The following VPS37A variants were observed in gnomAD, a reference collection of about 807,000 sequenced individuals.
VPS37A encodes the protein vacuolar protein sorting-associated protein 37A.
VPS37A carries 30 observed loss-of-function variants against 49.8 expected under a neutral mutation model. The ratio of observed to expected loss-of-function variants is 0.60; its 90% CI spans 0.45 to 0.82. VPS37A has a LOEUF of 0.82. Ranked by LOEUF, VPS37A falls within the 40% of genes least tolerant of loss-of-function variation. VPS37A has a pLI of 0.00. For missense variants in VPS37A, 593 were observed against 464.4 expected (o/e 1.28, Z -2.55); for synonymous variants, 195 against 160.6 (o/e 1.21, Z -1.62).
chr8:17,291,724 T>A (rs964189246), intron 11 of VPS37A, among the ~76,000 whole-genome samples: 1 of 152,206 alleles, frequency 6.6e-6, no homozygotes, highest in Non-Finnish European at 1.5e-5. Flanking sequence ...TGTCTTCATT[T>A]CATTATTTAC....
chr8:17,247,269 A>G lies in VPS37A; in HGVS notation c.25A>G (p.Lys9Glu), dbSNP rs1357045973. Residue 9 changes from lysine to glutamate, a missense_variant, in exon 1 of 12, where the codon AAG becomes GAG. Physicochemically the swap from Lys to Glu is moderately conservative, Grantham distance 56 (BLOSUM62 1). Transcript: ENST00000324849. ...GATGAGCTGGCTTTTTCCCCTGACCAAGAGCGCCTCCTCCTCCGCGGCTGG... is the reference window on the plus strand; with the variant it reads ...GATGAGCTGGCTTTTTCCCCTGACCGAGAGCGCCTCCTCCTCCGCGGCTGG... MSWLFPLT[K>E]SASSSAAGSP... 3.8e-6 allele frequency: 6 copies of G among 1,570,216 alleles called. No homozygotes were observed. The highest frequency in any genetic ancestry group is 4.3e-6 in the Non-Finnish European group (5 of 1,157,718).
At chr8:17,301,560 G>A (rs1193795679), downstream of VPS37A, 1 of 152,200 alleles carries the variant, frequency 6.6e-6, no homozygotes, top group African/African-American at 2.4e-5. Context: ...TTGTAATAAG[G>A]AAGAGCCAGT....
At chr8:17,282,946 A>G (rs1455436942) in intron 9 of VPS37A, among the ~76,000 whole-genome samples, 1 of 152,200 alleles carries the variant, frequency 6.6e-6, no homozygotes, top group Non-Finnish European at 1.5e-5. Flanking sequence ...GTTGGCACAT[A>G]ATAGGTACTC....
At chr8:17,316,479 A>T in the VPS37A span, among the ~76,000 whole-genome samples, 2 of 140,652 alleles carry the variant, frequency 1.4e-5, no homozygotes, top group Non-Finnish European at 3.1e-5. Context: ...AAAAAAAAAA[A>T]CCTTTCTACA....
chr8:17,323,075 G>A, the VPS37A span, among the ~76,000 whole-genome samples: 1 of 150,634 alleles, frequency 6.6e-6, no homozygotes, highest in African/African-American at 2.4e-5. Flanking sequence ...AGCCTCCTGA[G>A]TAGCTGGGAC....
chr8:17,269,088 T>C, intron 4 of VPS37A, 132 bp downstream of exon 4: 1 of 626,182 alleles, frequency 1.6e-6, no homozygotes, highest in Non-Finnish European at 2.7e-6. Context: ...CATCCATACT[T>C]TCAGAGGCAA....
downstream of VPS37A, chr8:17,302,168 C>G (rs777452727): frequency 3.7e-6 from 6 of 1,614,120 alleles, no homozygotes; most frequent in African/African-American, 1.3e-5. Context: ...TCCAGGGCCT[C>G]TAGTTCTTCC....
chr8:17,304,769 T>TGTGTGTGTGTGTGTGTG (rs1817346604), downstream of VPS37A, among the ~76,000 whole-genome samples: 1 of 61,012 alleles, frequency 1.6e-5, no homozygotes, highest in Non-Finnish European at 2.8e-5. Flanking sequence ...GTGTGTGTGT[T>TGTGTGTGTGTGTGTGTG]AAGCTGTTCT....
downstream of VPS37A, among the ~76,000 whole-genome samples, chr8:17,303,489 T>G (rs1817257997): frequency 6.6e-6 from 1 of 151,910 alleles, no homozygotes; most frequent in South Asian, 2.1e-4. Context: ...GACCTTTGAG[T>G]TTTTTCATAT....
the VPS37A span, among the ~76,000 whole-genome samples, chr8:17,318,976 G>T: frequency 1.3e-5 from 2 of 152,192 alleles, 1 homozygote; most frequent in South Asian, 4.1e-4. Context: ...CGAACTCACC[G>T]ACACTTCCAA....
downstream of VPS37A, chr8:17,304,300 C>T (rs1817309528): frequency 1.3e-6 from 2 of 1,501,266 alleles, no homozygotes; most frequent in African/African-American, 1.4e-5. Flanking sequence ...CAGTGTCATA[C>T]ACTTTGACCT....
chr8:17,308,399 A>G, the VPS37A span, among the ~76,000 whole-genome samples: 5 of 152,192 alleles, frequency 3.3e-5, no homozygotes, highest in Non-Finnish European at 5.9e-5. Flanking sequence ...TGGAATTCCT[A>G]TGCTTTCCTG....
At chr8:17,253,934 T>A (rs765216683) in intron 1 of VPS37A, among the ~76,000 whole-genome samples, 1 of 152,192 alleles carries the variant, frequency 6.6e-6, no homozygotes, top group Non-Finnish European at 1.5e-5. Context: ...GAGCTATTTG[T>A]TTTAAATTTC....
At chr8:17,273,185 T>C (rs1814173232) in intron 4 of VPS37A, among the ~76,000 whole-genome samples, 1 of 152,008 alleles carries the variant, frequency 6.6e-6, no homozygotes, top group Admixed American at 6.6e-5. Context: ...GCCTGACAGA[T>C]ATTTTCATGT....
the VPS37A span, among the ~76,000 whole-genome samples, chr8:17,330,923 C>A: frequency 0.27 from 40,789 of 152,042 alleles, 5,733 homozygotes; most frequent in East Asian, 0.32. Context: ...TGTTCAGTAC[C>A]ATTGTAGAGT....
the VPS37A span, chr8:17,311,677 T>C: frequency 6.2e-7 from 1 of 1,613,018 alleles, no homozygotes; most frequent in South Asian, 1.1e-5. Flanking sequence ...AAAGAATGGC[T>C]GTAAAAAGGC....
the VPS37A span, chr8:17,331,114 C>T: frequency 6.3e-6 from 10 of 1,588,350 alleles, no homozygotes; most frequent in African/African-American, 6.8e-5. Context: ...AAATACTTAA[C>T]TGCATTTTAA....
the VPS37A span, among the ~76,000 whole-genome samples, chr8:17,326,668 T>C: frequency 6.6e-6 from 1 of 152,242 alleles, no homozygotes; most frequent in African/African-American, 2.4e-5. Flanking sequence ...GCTGCCATGC[T>C]GTGAACAGCC....
chr8:17,300,091 T>G, downstream of VPS37A: 1 of 1,614,192 alleles, frequency 6.2e-7, no homozygotes. Flanking sequence ...TGATTTCATA[T>G]TCCCACTGTA....
Sources: allele counts gnomAD v4.1 joint callset (sites outside exome capture counted in the v4.1 genomes callset), GRCh38; gene constraint gnomAD v4.1.1; transcripts MANE v1.5; gene names NCBI Gene and HGNC (gene_info 2026-07-23, HGNC 2026-07-21).